DCC: variants seen among roughly 807,000 people sequenced by gnomAD.
DCC encodes DCC netrin 1 receptor.
In DCC, 58 loss-of-function variants were observed where a neutral mutation model predicts 172.5. The ratio of observed to expected loss-of-function variants is 0.34; its 90% CI spans 0.27 to 0.42. The LOEUF (loss-of-function observed/expected upper bound fraction) is 0.42, where lower values mean the gene tolerates loss of function less well. Among genes scored for constraint, DCC ranks in the 10% least tolerant of loss-of-function variants. The pLI is 1.00. For synonymous variants in DCC, 709 were observed against 644.5 expected (o/e 1.10, Z -1.52); for missense variants, 1,740 against 1,791.0 (o/e 0.97, Z 0.51).
rs1290009901 is a variant in DCC at position 52,340,717 on chromosome 18, C to A, written c.-71C>A. ...GCGCGTGTGTGTGCATGTGTGCATG[C>A]GTGTGTGAGTGCATGTGTGTGAGTG... is the stretch of plus-strand genomic sequence containing the variant. On this transcript the variant is annotated 5_prime_UTR_variant, in exon 1 of 29. The change creates a premature stop within an existing upstream ORF in the 5' untranslated region. Transcript: ENST00000442544. 45 of 1,046,524 alleles carry A rather than the reference C, an allele frequency of 4.3e-5. No individual in the cohort carries two copies. Among genetic ancestry groups the A allele is most frequent in the Non-Finnish European group, 4.5e-6 (3 of 662,830 alleles). 64.8% of individuals were successfully genotyped at this position (1,046,524 alleles called of 1,614,324 possible). A position where few individuals can be genotyped will look rare whatever the true frequency, so the allele number is the denominator to read the frequency against.
chr18:52,936,470 A>G (rs2145513147), intron 5 of DCC, among the ~76,000 whole-genome samples: 1 of 121,374 alleles, frequency 8.2e-6, no homozygotes, highest in Admixed American at 7.9e-5. Flanking sequence ...TCTCCCTTCC[A>G]CTGGAGAAAA....
chr18:52,581,731 A>G (rs979696766), intron 1 of DCC, among the ~76,000 whole-genome samples: 3 of 152,072 alleles, frequency 2.0e-5, no homozygotes, highest in African/African-American at 7.2e-5. Context: ...CATGCTGGTG[A>G]CTTTCTAGAC....
chr18:52,861,834 A>G (rs1364642435), intron 2 of DCC, among the ~76,000 whole-genome samples: 1 of 152,170 alleles, frequency 6.6e-6, no homozygotes, highest in African/African-American at 2.4e-5. Context: ...GCCTGTATTC[A>G]AGAGTATTTC....
intron 1 of DCC, among the ~76,000 whole-genome samples, chr18:52,537,669 G>A (rs547308022): frequency 6.6e-5 from 10 of 152,066 alleles, no homozygotes; most frequent in Non-Finnish European, 1.3e-4. Context: ...CAATGACGAC[G>A]AATGAAAGGA....
At chr18:53,160,641 C>T (rs2054822527) in intron 8 of DCC, among the ~76,000 whole-genome samples, 1 of 152,168 alleles carries the variant, frequency 6.6e-6, no homozygotes. Flanking sequence ...CTACTAATCT[C>T]CTGTTGCCCA....
chr18:53,436,727 G>A (rs548290855), intron 22 of DCC, among the ~76,000 whole-genome samples: 7 of 152,176 alleles, frequency 4.6e-5, no homozygotes, highest in African/African-American at 9.6e-5. Flanking sequence ...CACGTAGAAC[G>A]TCTTATGTTT....
At chr18:52,650,953 T>C (rs550477559) in intron 1 of DCC, among the ~76,000 whole-genome samples, 3 of 152,322 alleles carry the variant, frequency 2.0e-5, no homozygotes, top group South Asian at 4.1e-4. Flanking sequence ...CAAAGAACAA[T>C]GTAACAGATA....
chr18:52,703,346 AT>A (rs981216505), intron 1 of DCC, among the ~76,000 whole-genome samples: 3 of 152,086 alleles, frequency 2.0e-5, no homozygotes, highest in African/African-American at 7.2e-5. Context: ...GGATGCCTTC[AT>A]TGTCCTTCTG....
chr18:52,966,553 C>T (rs573025403), intron 5 of DCC, among the ~76,000 whole-genome samples: 1 of 152,036 alleles, frequency 6.6e-6, no homozygotes, highest in Admixed American at 6.6e-5. Flanking sequence ...ATTGCCCAAT[C>T]GGAGGCACCA....
At chr18:53,035,055 A>C (rs2143973471) in intron 5 of DCC, among the ~76,000 whole-genome samples, 1 of 152,106 alleles carries the variant, frequency 6.6e-6, no homozygotes, top group South Asian at 2.1e-4. Context: ...TTGATATATA[A>C]TAGTTGTACA....
At chr18:53,310,705 G>A (rs1222495783) in intron 13 of DCC, among the ~76,000 whole-genome samples, 1 of 152,032 alleles carries the variant, frequency 6.6e-6, no homozygotes, top group Non-Finnish European at 1.5e-5. Context: ...TAATAAAGAT[G>A]CATTGATAGT....
intron 7 of DCC, among the ~76,000 whole-genome samples, chr18:53,145,642 C>T (rs1173672746): frequency 6.6e-6 from 1 of 152,080 alleles, no homozygotes; most frequent in Non-Finnish European, 1.5e-5. Context: ...ATTATAGCAG[C>T]CCAGGTGGAT....
chr18:52,628,726 T>C (rs2034618950), intron 1 of DCC, among the ~76,000 whole-genome samples: 1 of 152,158 alleles, frequency 6.6e-6, no homozygotes, highest in Non-Finnish European at 1.5e-5. Flanking sequence ...GCAGCATGAG[T>C]AGGGAGGCAA....
intron 2 of DCC, among the ~76,000 whole-genome samples, chr18:52,858,745 T>A (rs186180677): frequency 6.6e-6 from 1 of 152,158 alleles, no homozygotes; most frequent in Non-Finnish European, 1.5e-5. Context: ...GATGTGAGCC[T>A]TCTTGTATCC....
At chr18:52,784,311 C>T (rs994701929) in intron 2 of DCC, among the ~76,000 whole-genome samples, 11 of 152,060 alleles carry the variant, frequency 7.2e-5, no homozygotes, top group African/African-American at 2.6e-4. Context: ...TTTCTTTATC[C>T]ATTTACTCGA....
rs542966750 is a variant in DCC, at chr18:52,765,727, C to T, written c.412+13353C>T. ...GTCTTAGCTTCCCTAGGCAGTGAGA[C>T]TCCACAGAACCTTGCTAGTTGTGTG... On this transcript the variant is annotated intron_variant, in intron 2 of 28. Transcript: ENST00000442544. 2.6e-5 allele frequency among the ~76,000 whole-genome samples: 4 copies of T among 152,206 alleles called. No individual in the cohort carries two copies. The East Asian group carries it at 7.7e-4, about 29-fold the overall frequency.
chr18:53,162,560 A>C (rs2054860033), intron 8 of DCC, among the ~76,000 whole-genome samples: 1 of 152,108 alleles, frequency 6.6e-6, no homozygotes, highest in Non-Finnish European at 1.5e-5. Flanking sequence ...TTACTTCTCT[A>C]ACCTCATCAC....
intron 12 of DCC, among the ~76,000 whole-genome samples, chr18:53,267,131 CACATAT>C (rs1349375439): frequency 0.018 from 2,772 of 150,688 alleles, 99 homozygotes; most frequent in African/African-American, 0.064. Flanking sequence ...CACACACACA[CACATAT>C]ATATATATAT....
intron 1 of DCC, among the ~76,000 whole-genome samples, chr18:52,579,611 C>T (rs1250159546): frequency 6.6e-6 from 1 of 152,246 alleles, no homozygotes; most frequent in East Asian, 1.9e-4. Context: ...AGACCTGTAT[C>T]TTATAAACCA....
Sources: gnomAD v4.1 joint callset for allele counts (sites outside exome capture counted in the v4.1 genomes callset) on GRCh38, gnomAD v4.1.1 for gene constraint, MANE v1.5 for transcripts, NCBI Gene and HGNC (gene_info 2026-07-23, HGNC 2026-07-21) for gene names.